Variants in AP3S2 observed in about 807,000 individuals in gnomAD.
AP3S2 encodes the protein adaptor related protein complex 3 subunit sigma 2.
In AP3S2, 22 loss-of-function variants were observed where a neutral mutation model predicts 23.4. The observed-to-expected ratio is 0.94, with a 90% confidence interval of 0.67 to 1.34. The LOEUF (loss-of-function observed/expected upper bound fraction) is 1.34, where lower values mean the gene tolerates loss of function less well. Ranked by LOEUF, AP3S2 falls within the 40% of genes most tolerant of loss-of-function variation. AP3S2 has a pLI of 0.00. For missense variants in AP3S2, 241 were observed against 236.9 expected, an observed-to-expected ratio of 1.02 and a Z score of -0.11; for synonymous variants, 86 against 87.1, an observed-to-expected ratio of 0.99 and a Z score of 0.07.
chr15:89,835,538 G>C lies in AP3S2; in HGVS notation c.559C>G (p.Pro187Ala). The C allele has an allele frequency of 6.2e-7, 1 of 1,613,846 alleles. No individual in the cohort carries two copies. Among genetic ancestry groups the C allele is most frequent in the Non-Finnish European group, 8.5e-7 (1 of 1,179,982 alleles). ...CCTCAGACAAACTGGGACAGGTTGG[G>C]AACTTTGATGTTGAGATCGCCAATG... ...INIGDLNIKVPNLSQFV is the reference protein window; with the variant it reads ...INIGDLNIKVANLSQFV The change falls in exon 6 of 6, where the codon CCC becomes GCC. Residue 187 changes from proline (P) to alanine (A), a missense_variant. By Grantham distance (27) the Pro-to-Ala change is conservative. Coordinates refer to ENST00000336418, the MANE Select transcript of AP3S2 (RefSeq NM_005829.5).
intron 4 of AP3S2, among the ~76,000 whole-genome samples, chr15:89,858,940 T>A (rs1895933178): frequency 6.6e-6 from 1 of 152,184 alleles, no homozygotes; most frequent in South Asian, 2.1e-4. Flanking sequence ...AATCCAAAGT[T>A]CAAGTAAGGA....
chr15:89,888,910 T>C, intron 2 of AP3S2, 139 bp downstream of exon 2: 1 of 966,608 alleles, frequency 1.0e-6, no homozygotes, highest in South Asian at 1.6e-5. Context: ...GAATTGTGTC[T>C]CTCCCTGAGC....
At chr15:89,882,838 A>G (rs1168364639) in intron 3 of AP3S2, among the ~76,000 whole-genome samples, 2 of 152,188 alleles carry the variant, frequency 1.3e-5, no homozygotes, top group East Asian at 3.8e-4. Context: ...CCCTAGAAAT[A>G]TACTTCTGCA....
At chr15:89,868,713 C>T (rs1420045600) in intron 4 of AP3S2, among the ~76,000 whole-genome samples, 1 of 119,706 alleles carries the variant, frequency 8.4e-6, no homozygotes, top group Non-Finnish European at 1.8e-5. Flanking sequence ...GCCCTCCGCC[C>T]GGCCAGCCGC....
chr15:89,852,304 G>C (rs1895676552), intron 4 of AP3S2: 1 of 152,240 alleles, frequency 6.6e-6, no homozygotes, highest in African/African-American at 2.4e-5. Context: ...CTAGTTCTTA[G>C]TAAGTACTCG....
intron 3 of AP3S2, among the ~76,000 whole-genome samples, chr15:89,873,152 T>C (rs1326371463): frequency 6.6e-6 from 1 of 152,238 alleles, no homozygotes; most frequent in Non-Finnish European, 1.5e-5. Context: ...TAAGCCCTTA[T>C]AATCCTGCAG....
At chr15:89,867,096 C>A (rs1376793518) in intron 4 of AP3S2, among the ~76,000 whole-genome samples, 5 of 147,982 alleles carry the variant, frequency 3.4e-5, no homozygotes, top group Admixed American at 2.0e-4. Context: ...TGTACTACTG[C>A]CATCTCGGCT....
intron 5 of AP3S2, among the ~76,000 whole-genome samples, chr15:89,837,024 G>A (rs983236898): frequency 6.6e-6 from 1 of 152,192 alleles, no homozygotes; most frequent in Non-Finnish European, 1.5e-5. Flanking sequence ...GGAAGGGGAC[G>A]GCGAGACCTC....
At chr15:89,878,376 A>G in intron 3 of AP3S2, 1 of 579,994 alleles carries the variant, frequency 1.7e-6, no homozygotes, top group South Asian at 2.0e-5. Flanking sequence ...ATATGCATAC[A>G]ATTAGGAAAA....
At chr15:89,893,740 G>T in intron 1 of AP3S2, 141 bp downstream of exon 1, 1 of 774,870 alleles carries the variant, frequency 1.3e-6, no homozygotes, top group Non-Finnish European at 2.0e-6. Flanking sequence ...TAGATTAAAT[G>T]CTTAAGTAGG....
chr15:89,877,535 G>T, intron 3 of AP3S2: 1 of 587,086 alleles, frequency 1.7e-6, no homozygotes, highest in Non-Finnish European at 2.8e-6. Flanking sequence ...CACCATCCAT[G>T]TTCATATCTC....
intron 3 of AP3S2, among the ~76,000 whole-genome samples, chr15:89,872,565 A>G (rs1290613870): frequency 6.6e-6 from 1 of 152,240 alleles, no homozygotes; most frequent in African/African-American, 2.4e-5. Context: ...CATTTAAACA[A>G]TCTCATTGTC....
intron 3 of AP3S2, among the ~76,000 whole-genome samples, chr15:89,885,868 G>A (rs186066211): frequency 1.3e-4 from 19 of 151,072 alleles, no homozygotes; most frequent in African/African-American, 4.4e-4. Context: ...TTGAGCCTGG[G>A]AGATGGAGGC....
chr15:89,874,213 T>C lies in AP3S2; in HGVS notation c.274-2667A>G, dbSNP rs80197877. Reference sequence around the variant, plus strand: ...TTATTGTTTGTTCATTTTATCTCCTTCTTCTATGTTAGAGGTTTTCCGCAG... The same window carrying C: ...TTATTGTTTGTTCATTTTATCTCCTCCTTCTATGTTAGAGGTTTTCCGCAG... On this transcript the variant is annotated intron_variant, in intron 3 of 5. Coordinates refer to ENST00000336418, the MANE Select transcript of AP3S2 (RefSeq NM_005829.5). 3.3e-3 allele frequency among the ~76,000 whole-genome samples: 497 copies of C among 152,230 alleles called. 21 individuals carry two copies. In the East Asian group the frequency reaches 0.084, roughly 26 times the overall value.
At position 89,831,570 on chromosome 15, in the gene AP3S2, C is replaced by G. The variant is rs1471164529; in HGVS notation, c.*3945G>C. ...AATGGACAGACAGCCACGCTGAAAG[C>G]CCTTACTAGAGACTGGTCCACAAGA... On this transcript the variant is annotated 3_prime_UTR_variant, in exon 6 of 6. Coordinates refer to ENST00000336418, the MANE Select transcript of AP3S2 (RefSeq NM_005829.5). The G allele has an allele frequency of 6.6e-6, 1 of 152,302 alleles. No homozygotes were observed. Among genetic ancestry groups the G allele is most frequent in the African/African-American group, 2.4e-5 (1 of 41,476 alleles). 9.4% of individuals were successfully genotyped at this position (152,302 alleles called of 1,614,324 possible).
chr15:89,835,551 G>A lies in AP3S2; in HGVS notation c.546C>T (p.Leu182=). ...EIPRNINIGD[L]NIKVPNLSQF... is the part of the protein sequence containing the mutation. ...GGGACAGGTTGGGAACTTTGATGTT[G>A]AGATCGCCAATGTTGATGTTCCGAG... Residue 182 remains leucine (L), a synonymous_variant, in exon 6 of 6, where the codon CTC becomes CTT. Coordinates refer to ENST00000336418, the MANE Select transcript of AP3S2 (RefSeq NM_005829.5). The A allele has an allele frequency of 5.0e-6, 8 of 1,614,000 alleles. No homozygotes were observed. Among genetic ancestry groups the A allele is most frequent in the South Asian group, 1.1e-5 (1 of 91,072 alleles).
intron 3 of AP3S2, among the ~76,000 whole-genome samples, chr15:89,874,540 C>T (rs745619640): frequency 2.6e-5 from 4 of 152,100 alleles, no homozygotes; most frequent in South Asian, 2.1e-4. Flanking sequence ...TTTGGGCAGC[C>T]AAGACAGGAA....
intron 3 of AP3S2, chr15:89,877,017 G>A: frequency 3.6e-6 from 1 of 274,404 alleles, no homozygotes; most frequent in Non-Finnish European, 7.2e-6. Flanking sequence ...AAAAGTCAAG[G>A]CAAGAAAAAC....
Position 89,882,899 on chromosome 15 carries a change from T to C in AP3S2, c.273+5622A>G, listed in dbSNP as rs1896605640. Among the ~76,000 whole-genome samples the C allele has an allele frequency of 2.0e-5, 3 of 152,242 alleles. 1 individual carries two copies. The highest frequency in any genetic ancestry group is 1.3e-4 in the Admixed American group (2 of 15,286). On this transcript the variant is annotated intron_variant, in intron 3 of 5. Coordinates refer to ENST00000336418, the MANE Select transcript of AP3S2 (RefSeq NM_005829.5). ...TAAATTTTGCCTTTACTGAGTTCTA[T>C]AAACTCTCCTGACGGAATTATACTT... is the stretch of plus-strand genomic sequence containing the variant.
Sources: allele counts gnomAD v4.1 joint callset (sites outside exome capture counted in the v4.1 genomes callset), GRCh38; gene constraint gnomAD v4.1.1; transcripts MANE v1.5; gene names NCBI Gene and HGNC (gene_info 2026-07-23, HGNC 2026-07-21).